Variants in CDH19 observed in about 807,000 individuals in gnomAD.
CDH19 encodes cadherin-19.
In CDH19, 67 loss-of-function variants were observed where a neutral mutation model predicts 64.2. The ratio of observed to expected loss-of-function variants is 1.04; its 90% confidence interval spans 0.86 to 1.28. The LOEUF is 1.28. Ranked by LOEUF, CDH19 falls within the 50% of genes most tolerant of loss-of-function variation. The pLI is 0.00. For missense variants in CDH19, 1,030 were observed against 929.0 expected (o/e 1.11, Z -1.41); for synonymous variants, 346 against 319.3 (o/e 1.08, Z -0.89).
chr18:66,540,749 G>T (rs1986857272), intron 7 of CDH19, among the ~76,000 whole-genome samples: 1 of 151,926 alleles, frequency 6.6e-6, no homozygotes, highest in Admixed American at 6.6e-5. Flanking sequence ...TTGAGATTTA[G>T]GATTTCAAAA....
At position 66,501,683 on chromosome 18, in the gene CDH19, A is replaced by G. The variant is rs896067438; in HGVS notation, c.*3129T>C. The G allele has an allele frequency of 2.6e-5, 4 of 152,142 alleles. 1 individual carries two copies. Among genetic ancestry groups the G allele is most frequent in the African/African-American group, 9.6e-5 (4 of 41,454 alleles). The allele number at this position is 152,142 out of a possible 1,614,324, so 9.4% of individuals were successfully genotyped here. The stretch of plus-strand genomic sequence containing the variant: ...TATAATAATTCACTGTTATTTATTG[A>G]GCAGTTATATTTTGTCAGGCACTAT... On this transcript the variant is annotated 3_prime_UTR_variant, in exon 12 of 12. Transcript: ENST00000262150.
intron 3 of CDH19, 131 bp downstream of exon 3, chr18:66,568,285 T>C: frequency 4.6e-6 from 3 of 653,216 alleles, no homozygotes; most frequent in Admixed American, 3.2e-5. Context: ...TTTCAAATAT[T>C]TTACTTAAAC....
chr18:66,544,301 GTTAAA>G lies in CDH19; in HGVS notation c.961-82_961-78del, dbSNP rs1987017524. 3 of 1,353,362 alleles carry G rather than the reference GTTAAA, an allele frequency of 2.2e-6. No individual in the cohort carries two copies. The South Asian group carries it at 4.5e-5, about 20-fold the overall frequency. The allele number at this position is 1,353,362 out of a possible 1,614,324, so 83.8% of individuals were successfully genotyped here. ...ACTATTTAGAAAAAAGGTTTTACCT[GTTAAA>G]TTAAGTCTCAGTGGCCTTTCAGTTA... On this transcript the variant is annotated intron_variant, in intron 6 of 11. Coordinates refer to ENST00000262150, the MANE Select transcript of CDH19 (RefSeq NM_021153.4).
At chr18:66,560,095 C>A (rs112487772) in intron 3 of CDH19, among the ~76,000 whole-genome samples, 2,409 of 152,014 alleles carry the variant, frequency 0.016, 55 homozygotes, top group African/African-American at 0.054. Context: ...AGTGCAATGG[C>A]GTGGTCTCTG....
chr18:66,592,460 G>A (rs1988771931), intron 1 of CDH19, among the ~76,000 whole-genome samples: 4 of 151,722 alleles, frequency 2.6e-5, no homozygotes, highest in Non-Finnish European at 5.9e-5. Flanking sequence ...ACTGTACAGT[G>A]CTATAGAAAA....
chr18:66,579,231 T>A (rs1013141959), intron 1 of CDH19, among the ~76,000 whole-genome samples: 11 of 152,038 alleles, frequency 7.2e-5, no homozygotes, highest in African/African-American at 2.4e-4. Context: ...AGATAATAGA[T>A]GTTTCTGATG....
At chr18:66,566,742 T>A (rs1330947004) in intron 3 of CDH19, among the ~76,000 whole-genome samples, 1 of 151,860 alleles carries the variant, frequency 6.6e-6, no homozygotes, top group Non-Finnish European at 1.5e-5. Context: ...ATTTTTCCCT[T>A]CTTCCTACAA....
chr18:66,524,824 T>C lies in CDH19; in HGVS notation c.1458+5021A>G, dbSNP rs563041312. On this transcript the variant is annotated intron_variant, in intron 9 of 11. Coordinates refer to ENST00000262150, the MANE Select transcript of CDH19 (RefSeq NM_021153.4). ...TCCTTCATGTTTTATTCTGCCCCAA[T>C]TTTATTTTTAGCAATTCCCTTTCAG... Among the ~76,000 whole-genome samples, 6 of 152,116 alleles carry C rather than the reference T, an allele frequency of 3.9e-5. No individual in the cohort carries two copies. The East Asian group carries it at 1.2e-3, about 29-fold the overall frequency.
intron 7 of CDH19, among the ~76,000 whole-genome samples, chr18:66,540,484 T>C (rs1986845997): frequency 6.6e-6 from 1 of 152,164 alleles, no homozygotes; most frequent in African/African-American, 2.4e-5. Context: ...GGGCAGCTTA[T>C]AAACAACTGA....
At chr18:66,601,900 C>T (rs17076460) in intron 1 of CDH19, among the ~76,000 whole-genome samples, 21,841 of 151,764 alleles carry the variant, frequency 0.14, 1,704 homozygotes, top group East Asian at 0.25. Flanking sequence ...TTTCTAGTCA[C>T]TTTTGCAAAG....
chr18:66,542,527 T>C (rs993754907), intron 7 of CDH19, among the ~76,000 whole-genome samples: 2 of 152,116 alleles, frequency 1.3e-5, no homozygotes, highest in South Asian at 2.1e-4. Context: ...AAATAAATTA[T>C]AACATAGTAA....
chr18:66,549,522 T>C (rs1053789972), intron 5 of CDH19, among the ~76,000 whole-genome samples: 1 of 152,152 alleles, frequency 6.6e-6, no homozygotes, highest in African/African-American at 2.4e-5. Flanking sequence ...ATGTATCATA[T>C]ACATCATATG....
intron 7 of CDH19, among the ~76,000 whole-genome samples, chr18:66,538,809 A>G (rs503730): frequency 0.041 from 6,294 of 151,930 alleles, 426 homozygotes; most frequent in African/African-American, 0.14. Flanking sequence ...CTAGTCTTCC[A>G]CTTGTAGACG....
intron 1 of CDH19, among the ~76,000 whole-genome samples, chr18:66,589,200 C>G (rs990456266): frequency 6.7e-6 from 1 of 150,300 alleles, no homozygotes; most frequent in Admixed American, 6.7e-5. Flanking sequence ...ATGTTTATCA[C>G]GTAAATTATA....
intron 8 of CDH19, 57 bp downstream of exon 8, chr18:66,534,929 T>G (rs1014920918): frequency 8.0e-7 from 1 of 1,251,672 alleles, no homozygotes; most frequent in African/African-American, 1.5e-5. Context: ...TATAGAAATT[T>G]GTAATTATTT....
chr18:66,595,428 A>G (rs763370748), intron 1 of CDH19, among the ~76,000 whole-genome samples: 2 of 150,664 alleles, frequency 1.3e-5, no homozygotes, highest in African/African-American at 2.4e-5. Context: ...TTAGTATAGT[A>G]CTAGAAGACT....
intron 1 of CDH19, among the ~76,000 whole-genome samples, chr18:66,586,756 TC>T (rs1350105837): frequency 1.3e-5 from 2 of 152,100 alleles, no homozygotes. Flanking sequence ...TTTATTTAAA[TC>T]TTGTCTGTGT....
rs1987985221 is a variant in CDH19 at position 66,568,424 on chromosome 18, G to A, written c.482C>T (p.Ser161Phe). 1 of 1,609,146 alleles carries A rather than the reference G, an allele frequency of 6.2e-7. No individual in the cohort carries two copies. The highest frequency in any genetic ancestry group is 1.7e-5 in the Admixed American group (1 of 59,600). Residue 161 changes from serine to phenylalanine, a missense_variant, in exon 3 of 12, where the codon TCT becomes TTT. By Grantham distance (155) the Ser-to-Phe change is radical. Coordinates refer to ENST00000262150, the MANE Select transcript of CDH19 (RefSeq NM_021153.4). ...EPYEAIVPEM[S>F]PEGTLVIQVT... ...AAATTAATATGCAATACCTTCTGGA[G>A]ACATCTCTGGTACAATGGCCTCATA...
chr18:66,558,674 A>G (rs552860617), intron 3 of CDH19, among the ~76,000 whole-genome samples: 1 of 152,212 alleles, frequency 6.6e-6, no homozygotes, highest in East Asian at 1.9e-4. Flanking sequence ...GTAGTTAGGA[A>G]TTAGTTTTAT....
Sources: allele counts gnomAD v4.1 joint callset (sites outside exome capture counted in the v4.1 genomes callset), GRCh38; gene constraint gnomAD v4.1.1; transcripts MANE v1.5; gene names NCBI Gene and HGNC (gene_info 2026-07-23, HGNC 2026-07-21).